SEMA5A: variants seen among roughly 807,000 people sequenced by gnomAD.
SEMA5A encodes the protein semaphorin 5A.
Under a neutral mutation model 135.5 loss-of-function variants are expected in SEMA5A, and 55 were observed. That is an observed-to-expected ratio of 0.41 (90% CI 0.33 to 0.51). The LOEUF (loss-of-function observed/expected upper bound fraction) is 0.51, where lower values mean the gene tolerates loss of function less well. SEMA5A is among the 20% of genes least tolerant of loss of function. The pLI, the probability that SEMA5A is intolerant of heterozygous loss-of-function variation, is 0.37. For missense variants in SEMA5A, 1,290 were observed against 1,419.9 expected (o/e 0.91, Z 1.47); for synonymous variants, 580 against 546.5 (o/e 1.06, Z -0.85).
intron 5 of SEMA5A, among the ~76,000 whole-genome samples, chr5:9,273,602 T>A (rs1406317292): frequency 6.6e-6 from 1 of 152,004 alleles, no homozygotes; most frequent in African/African-American, 2.4e-5. Flanking sequence ...AAGGTCAGGT[T>A]ACCCACAAAG....
chr5:9,097,573 T>A (rs1739388215), intron 16 of SEMA5A, among the ~76,000 whole-genome samples: 1 of 152,206 alleles, frequency 6.6e-6, no homozygotes, highest in African/African-American at 2.4e-5. Flanking sequence ...GCCTCTGCAA[T>A]ATGGAACCTA....
chr5:9,348,359 A>T lies in SEMA5A; in HGVS notation c.125-10547T>A, dbSNP rs573407260. On this transcript the variant is annotated intron_variant, in intron 3 of 22. Transcript: ENST00000382496. ...CCATCAGGAAAGACAGATTTTTTTTAAATTTATAAGATTATGCAAATTCAT... is the reference window on the plus strand; with the variant it reads ...CCATCAGGAAAGACAGATTTTTTTTTAATTTATAAGATTATGCAAATTCAT... 1.2e-4 allele frequency among the ~76,000 whole-genome samples: 19 copies of T among 152,292 alleles called. No homozygotes were observed. The South Asian group carries it at 2.9e-3, about 23-fold the overall frequency.
intron 1 of SEMA5A, among the ~76,000 whole-genome samples, chr5:9,462,825 G>A (rs1365020658): frequency 6.6e-6 from 1 of 152,078 alleles, no homozygotes; most frequent in Non-Finnish European, 1.5e-5. Context: ...GGGCCTATCA[G>A]AGGGTGCAGA....
chr5:9,287,305 A>G (rs1488675108), intron 5 of SEMA5A, among the ~76,000 whole-genome samples: 1 of 152,232 alleles, frequency 6.6e-6, no homozygotes, highest in Non-Finnish European at 1.5e-5. Flanking sequence ...TGTCAGCAAA[A>G]GTATCAAATT....
chr5:9,353,098 G>GAAAGGAAAGGAAAGGGA lies in SEMA5A; in HGVS notation c.125-15287_125-15286insTCCCTTTCCTTTCCTTT, dbSNP rs1378151075. Among the ~76,000 whole-genome samples, 131 of 21,792 alleles carry GAAAGGAAAGGAAAGGGA rather than the reference G, an allele frequency of 6.0e-3. 16 individuals carry two copies. The highest frequency in any genetic ancestry group is 0.031 in the East Asian group (28 of 890). 14.3% of individuals were successfully genotyped at this position (21,792 alleles called of 152,430 possible). On this transcript the variant is annotated intron_variant, in intron 3 of 22. Transcript: ENST00000382496. Reference sequence around the variant, plus strand: ...GGAAAGGAAAGGAAAGGAAAGGAAGGAAGGAAAGGAAAGGAAAGGAAAGGA... The same window carrying GAAAGGAAAGGAAAGGGA: ...GGAAAGGAAAGGAAAGGAAAGGAAGGAAAGGAAAGGAAAGGGAAAGGAAAGGAAAGGAAAGGAAAGGA...
chr5:9,535,419 C>A (rs2126355592), intron 1 of SEMA5A, among the ~76,000 whole-genome samples: 1 of 152,220 alleles, frequency 6.6e-6, no homozygotes, highest in African/African-American at 2.4e-5. Context: ...CCTGGACACG[C>A]TGAGATGCTC....
At position 9,078,586 on chromosome 5, in the gene SEMA5A, TACAC is replaced by T. The variant is rs145598030; in HGVS notation, c.2074-11944_2074-11941del. On this transcript the variant is annotated intron_variant, in intron 16 of 22. Coordinates refer to ENST00000382496, the MANE Select transcript of SEMA5A (RefSeq NM_003966.3). ...GACCAGAAAATTTCAGCTGGGTATG[TACAC>T]ACACACACACACACACACACAGTCA... is the stretch of plus-strand genomic sequence containing the variant. 3.3e-4 allele frequency among the ~76,000 whole-genome samples: 49 copies of T among 146,450 alleles called. 1 individual carries two copies. The highest frequency in any genetic ancestry group is 9.0e-4 in the African/African-American group (36 of 40,162).
intron 5 of SEMA5A, among the ~76,000 whole-genome samples, chr5:9,264,275 C>T (rs933662214): frequency 6.6e-6 from 1 of 150,778 alleles, no homozygotes; most frequent in Non-Finnish European, 1.5e-5. Flanking sequence ...AGAATAAAGA[C>T]AGAAAAAAGC....
At chr5:9,223,461 T>A (rs1747115862) in intron 8 of SEMA5A, among the ~76,000 whole-genome samples, 1 of 152,174 alleles carries the variant, frequency 6.6e-6, no homozygotes, top group Admixed American at 6.5e-5. Flanking sequence ...CATTTTTTGT[T>A]GTTACAACTG....
intron 8 of SEMA5A, among the ~76,000 whole-genome samples, chr5:9,210,885 C>T (rs543075469): frequency 2.4e-4 from 37 of 152,212 alleles, no homozygotes; most frequent in Non-Finnish European, 4.6e-4. Context: ...GGTGTAATAA[C>T]TACAAGTAAC....
chr5:9,423,487 G>A (rs867477310), intron 2 of SEMA5A, among the ~76,000 whole-genome samples: 2 of 152,198 alleles, frequency 1.3e-5, no homozygotes, highest in Non-Finnish European at 2.9e-5. Context: ...TCAACAGACA[G>A]TCATATATTC....
intron 2 of SEMA5A, among the ~76,000 whole-genome samples, chr5:9,416,282 A>G (rs1757280659): frequency 6.6e-6 from 1 of 152,178 alleles, no homozygotes; most frequent in Admixed American, 6.5e-5. Context: ...TGAGAATTGG[A>G]GAGGTGGGAG....
intron 2 of SEMA5A, among the ~76,000 whole-genome samples, chr5:9,425,923 T>C (rs937100287): frequency 2.6e-5 from 4 of 152,186 alleles, no homozygotes; most frequent in African/African-American, 9.7e-5. Flanking sequence ...CAGCATGACC[T>C]TGGCAAGTTT....
rs937161257 is a variant in SEMA5A, at chr5:9,262,929, T to C, written c.271-25039A>G. Among the ~76,000 whole-genome samples, 59 of 141,908 alleles carry C rather than the reference T, an allele frequency of 4.2e-4. No individual in the cohort carries two copies. In the East Asian group the frequency reaches 8.5e-3, roughly 20 times the overall value. The allele number at this position is 141,908 out of a possible 152,430, so 93.1% of individuals were successfully genotyped here. On this transcript the variant is annotated intron_variant, in intron 5 of 22. Coordinates refer to ENST00000382496, the MANE Select transcript of SEMA5A (RefSeq NM_003966.3). The stretch of plus-strand genomic sequence containing the variant: ...AAAAATTAAAAAAAAAAAGAAAATA[T>C]ATTTCTTATAAAATAAAATATTTTC...
At chr5:9,144,295 T>C (rs1330568494) in intron 12 of SEMA5A, among the ~76,000 whole-genome samples, 1 of 152,170 alleles carries the variant, frequency 6.6e-6, no homozygotes, top group Non-Finnish European at 1.5e-5. Flanking sequence ...TGAAATAGGG[T>C]TTAAGGGTCA....
intron 4 of SEMA5A, among the ~76,000 whole-genome samples, chr5:9,332,866 T>C (rs369886544): frequency 6.4e-4 from 98 of 152,352 alleles, no homozygotes; most frequent in African/African-American, 2.2e-3. Flanking sequence ...ATTATGATCA[T>C]TACCTGATCC....
In SEMA5A at chr5:9,379,807, C is replaced by T. The variant is rs772418868; in HGVS notation, c.124+16G>A. 18 of 1,611,868 alleles carry T rather than the reference C, an allele frequency of 1.1e-5. No homozygotes were observed. Among genetic ancestry groups the T allele is most frequent in the African/African-American group, 5.4e-5 (4 of 74,660 alleles). ...TTAGATGACGGCTTTGCAATCAGTG[C>T]GTGCTGGTTCCTTACCTTTATAGGA... On this transcript the variant is annotated intron_variant, in intron 3 of 22. Transcript: ENST00000382496.
chr5:9,435,848 AC>A (rs771500513), intron 2 of SEMA5A, among the ~76,000 whole-genome samples: 1 of 152,222 alleles, frequency 6.6e-6, no homozygotes. Flanking sequence ...TTTTTAGAAA[AC>A]GTTCGCCAAT....
At chr5:9,121,978 A>G (rs1309034444) in intron 14 of SEMA5A, among the ~76,000 whole-genome samples, 6 of 152,208 alleles carry the variant, frequency 3.9e-5, no homozygotes, top group Non-Finnish European at 8.8e-5. Context: ...TTTAAAAAAT[A>G]CTGCAAATTA....
Sources: gnomAD v4.1 joint callset for allele counts (sites outside exome capture counted in the v4.1 genomes callset) on GRCh38, gnomAD v4.1.1 for gene constraint, MANE v1.5 for transcripts, NCBI Gene and HGNC (gene_info 2026-07-23, HGNC 2026-07-21) for gene names.